The following FGF12 variants were observed in gnomAD, a reference collection of about 807,000 sequenced individuals.
The protein encoded by FGF12 is fibroblast growth factor 12B.
In FGF12, 14 loss-of-function variants were observed where a neutral mutation model predicts 23.6. That is an observed-to-expected ratio of 0.59 (90% CI 0.39 to 0.93). The LOEUF (loss-of-function observed/expected upper bound fraction) is 0.93. FGF12 is among the 40% of genes least tolerant of loss of function. The pLI, the probability that FGF12 is intolerant of heterozygous loss-of-function variation, is 0.00. For synonymous variants in FGF12, 62 were observed against 77.3 expected, an observed-to-expected ratio of 0.80 and a Z score of 1.04; for missense variants, 175 against 217.8, an observed-to-expected ratio of 0.80 and a Z score of 1.24.
At chr3:192,579,460 G>C (rs1173769047) in intron 2 of FGF12, among the ~76,000 whole-genome samples, 1 of 152,180 alleles carries the variant, frequency 6.6e-6, no homozygotes, top group Non-Finnish European at 1.5e-5. Context: ...TGTTGGGGTA[G>C]GCACTTCCTG....
rs769925901 is a variant in FGF12, at chr3:192,335,466, T to TG, written c.125-3dup. 22 of 1,602,154 alleles carry TG rather than the reference T, an allele frequency of 1.4e-5. No individual in the cohort carries two copies. Among genetic ancestry groups the TG allele is most frequent in the Non-Finnish European group, 1.7e-5 (20 of 1,169,826 alleles). On this transcript the variant is annotated splice_region_variant and splice_polypyrimidine_tract_variant and intron_variant, in intron 3 of 5. Coordinates refer to ENST00000445105, the MANE Select transcript of FGF12 (RefSeq NM_004113.6). Reference sequence around the variant, plus strand: ...CCACGGGAATTAGATTGAAGAGAGCTGGGGGGAGAAAAAGAAGGGCGGAAA... The same window carrying TG: ...CCACGGGAATTAGATTGAAGAGAGCTGGGGGGGAGAAAAAGAAGGGCGGAAA...
At chr3:192,197,778 CTT>C (rs1717147952) in intron 4 of FGF12, among the ~76,000 whole-genome samples, 1 of 151,974 alleles carries the variant, frequency 6.6e-6, no homozygotes, top group South Asian at 2.1e-4. Flanking sequence ...AACCCCGTCT[CTT>C]TTAAAAAAAT....
intron 2 of FGF12, among the ~76,000 whole-genome samples, chr3:192,564,037 GT>G (rs111447729): frequency 2.7e-4 from 37 of 135,624 alleles, no homozygotes; most frequent in East Asian, 2.4e-3. Context: ...GTAGTTTTTT[GT>G]TTTTTTTTGT....
rs1362029597 is a variant in FGF12, at chr3:192,200,096, T to C, written c.229-29440A>G. On this transcript the variant is annotated intron_variant, in intron 4 of 5. Transcript: ENST00000445105. ...CTTTGGGAGGCCGAGGTGGGTGGAT[T>C]GTCTGAGCTCAGGAGTTTGTGACCA... Among the ~76,000 whole-genome samples, 4 of 151,344 alleles carry C rather than the reference T, an allele frequency of 2.6e-5. No homozygotes were observed. The East Asian group carries it at 7.8e-4, about 29-fold the overall frequency.
At chr3:192,476,276 G>C (rs1381941131) in intron 2 of FGF12, among the ~76,000 whole-genome samples, 1 of 151,890 alleles carries the variant, frequency 6.6e-6, no homozygotes, top group East Asian at 1.9e-4. Flanking sequence ...CTACCATTTA[G>C]TTCTTACCTA....
chr3:192,390,327 G>A (rs1230207268), intron 2 of FGF12, among the ~76,000 whole-genome samples: 1 of 152,212 alleles, frequency 6.6e-6, no homozygotes, highest in Non-Finnish European at 1.5e-5. Flanking sequence ...ACAGCTAAGA[G>A]AGAGGATGGA....
chr3:192,349,473 T>C (rs1241110518), intron 3 of FGF12, among the ~76,000 whole-genome samples: 1 of 152,072 alleles, frequency 6.6e-6, no homozygotes, highest in African/African-American at 2.4e-5. Flanking sequence ...TCCTGCAACA[T>C]ATGTTTAAAT....
intron 2 of FGF12, among the ~76,000 whole-genome samples, chr3:192,647,672 G>A: frequency 6.8e-6 from 1 of 148,008 alleles, no homozygotes; most frequent in East Asian, 2.0e-4. Context: ...GAGAAATGAA[G>A]ATACATATAT....
At chr3:192,517,704 T>C (rs1481829977) in intron 2 of FGF12, among the ~76,000 whole-genome samples, 3 of 152,240 alleles carry the variant, frequency 2.0e-5, no homozygotes, top group Non-Finnish European at 4.4e-5. Context: ...TTTGTAAGTA[T>C]ATATCAACAT....
intron 2 of FGF12, among the ~76,000 whole-genome samples, chr3:192,582,305 C>T (rs1713188866): frequency 6.6e-6 from 1 of 152,130 alleles, no homozygotes; most frequent in Non-Finnish European, 1.5e-5. Flanking sequence ...TTCCAAAGCA[C>T]ATACTATAAA....
chr3:192,629,309 C>T (rs1056100390), intron 2 of FGF12, among the ~76,000 whole-genome samples: 2 of 152,200 alleles, frequency 1.3e-5, no homozygotes, highest in East Asian at 1.9e-4. Flanking sequence ...AAGTTTTTCC[C>T]TTGTCCTGCA....
chr3:192,525,743 A>G (rs935109776), intron 2 of FGF12, among the ~76,000 whole-genome samples: 3 of 151,930 alleles, frequency 2.0e-5, no homozygotes, highest in Non-Finnish European at 2.9e-5. Context: ...CATGAACTTA[A>G]CTCCATCCAT....
chr3:192,680,689 C>A (rs1477351463), intron 2 of FGF12, among the ~76,000 whole-genome samples: 1 of 152,214 alleles, frequency 6.6e-6, no homozygotes, highest in Non-Finnish European at 1.5e-5. Context: ...TCTCTTTTAA[C>A]CATAGCATCT....
At chr3:192,146,520 C>T (rs1031123312) in intron 5 of FGF12, among the ~76,000 whole-genome samples, 1 of 152,130 alleles carries the variant, frequency 6.6e-6, no homozygotes, top group Non-Finnish European at 1.5e-5. Flanking sequence ...CCACCCGCCT[C>T]GACCTCCCAA....
intron 2 of FGF12, among the ~76,000 whole-genome samples, chr3:192,705,871 T>C (rs1718452606): frequency 1.3e-5 from 2 of 152,242 alleles, no homozygotes; most frequent in Admixed American, 6.5e-5. Flanking sequence ...TGTCTTATAA[T>C]AGGAATTATC....
intron 4 of FGF12, among the ~76,000 whole-genome samples, chr3:192,183,887 A>G (rs1191164753): frequency 6.6e-6 from 1 of 152,146 alleles, no homozygotes; most frequent in Admixed American, 6.6e-5. Context: ...TGCTTTGCTT[A>G]TGATTTATGC....
intron 5 of FGF12, among the ~76,000 whole-genome samples, chr3:192,165,228 T>A (rs1223177253): frequency 6.6e-6 from 1 of 152,072 alleles, no homozygotes; most frequent in East Asian, 1.9e-4. Context: ...TTGCTGGGAA[T>A]ACAGGTATGA....
intron 2 of FGF12, among the ~76,000 whole-genome samples, chr3:192,540,340 C>T (rs1725335484): frequency 6.6e-6 from 1 of 151,974 alleles, no homozygotes; most frequent in South Asian, 2.1e-4. Flanking sequence ...TGTCGTGTCT[C>T]CATTATCATT....
intron 4 of FGF12, among the ~76,000 whole-genome samples, chr3:192,225,336 C>T (rs1483357663): frequency 1.3e-5 from 2 of 152,008 alleles, no homozygotes; most frequent in Non-Finnish European, 2.9e-5. Flanking sequence ...CCATCCCTTG[C>T]CTGACTTTTA....
Sources: gnomAD v4.1 joint callset for allele counts (sites outside exome capture counted in the v4.1 genomes callset) on GRCh38, gnomAD v4.1.1 for gene constraint, MANE v1.5 for transcripts, NCBI Gene and HGNC (gene_info 2026-07-23, HGNC 2026-07-21) for gene names.